Variants in TBL1Y observed in about 807,000 individuals in gnomAD.
TBL1Y encodes the protein transducin beta like 1 Y-linked.
Under a neutral mutation model 12.0 loss-of-function variants are expected in TBL1Y, and 15 were observed. The observed-to-expected ratio is 1.25, with a 90% CI of 0.83 to 1.92. The LOEUF (loss-of-function observed/expected upper bound fraction) is 1.92, where lower values mean the gene tolerates loss of function less well. TBL1Y is among the 40% of genes most tolerant of loss of function. TBL1Y has a pLI of 0.00. For synonymous variants in TBL1Y, 53 were observed against 42.6 expected (o/e 1.24, Z -0.95); for missense variants, 148 against 116.7 (o/e 1.27, Z -1.24).
At chrY:6,991,993 C>T (rs2012368698) in intron 3 of TBL1Y, among the ~76,000 whole-genome samples, 1 of 34,046 alleles carries the variant, frequency 2.9e-5, no homozygotes, top group Non-Finnish European at 7.3e-5. Flanking sequence ...AGAGCCTGTA[C>T]TTCTGCCTGG....
At chrY:7,016,187 G>A (rs915114710) in intron 4 of TBL1Y, among the ~76,000 whole-genome samples, 2 of 32,304 alleles carry the variant, frequency 6.2e-5, no homozygotes, top group Non-Finnish European at 1.5e-4. Flanking sequence ...TAGGCGGGGG[G>A]CCTCAGTGTT....
At chrY:7,050,192 A>G in intron 7 of TBL1Y, among the ~76,000 whole-genome samples, 1 of 32,760 alleles carries the variant, frequency 3.1e-5, no homozygotes, top group South Asian at 7.1e-4. Context: ...ATACAATGCC[A>G]TGAATCCAGA....
intron 7 of TBL1Y, among the ~76,000 whole-genome samples, chrY:7,044,589 T>G: frequency 3.0e-5 from 1 of 33,787 alleles, no homozygotes; most frequent in African/African-American, 1.2e-4. Context: ...TAAAAACCTC[T>G]TTTAGAAAAA....
At chrY:7,065,180 G>C in intron 8 of TBL1Y, among the ~76,000 whole-genome samples, 1 of 33,267 alleles carries the variant, frequency 3.0e-5, no homozygotes, top group Non-Finnish European at 7.4e-5. Flanking sequence ...CAAATCTCTA[G>C]TTCCCTTGTG....
chrY:7,041,236 A>T (rs766703309), intron 6 of TBL1Y, among the ~76,000 whole-genome samples: 1 of 33,754 alleles, frequency 3.0e-5, no homozygotes, highest in South Asian at 6.8e-4. Flanking sequence ...GGGCAGTGAT[A>T]GAATGGTGCA....
At chrY:6,921,200 C>G (rs1019483187) in intron 2 of TBL1Y, among the ~76,000 whole-genome samples, 18 of 32,823 alleles carry the variant, frequency 5.5e-4, no homozygotes, top group African/African-American at 2.2e-3. Context: ...AGCTGCTTGA[C>G]TGTGGTCATG....
intron 2 of TBL1Y, among the ~76,000 whole-genome samples, chrY:6,934,175 G>A (rs749536486): frequency 1.2e-4 from 4 of 33,051 alleles, no homozygotes; most frequent in South Asian, 6.9e-4. Flanking sequence ...AACCATGACC[G>A]TCCCTTGGCT....
At chrY:7,003,309 C>G (rs2124141587) in intron 4 of TBL1Y, among the ~76,000 whole-genome samples, 1 of 33,852 alleles carries the variant, frequency 3.0e-5, no homozygotes, top group South Asian at 6.7e-4. Context: ...CACCAAATAT[C>G]ATTGGACATA....
Position 7,086,418 on chromosome Y carries a change from G to T in TBL1Y, c.1280+1G>T. 1 of 381,629 alleles carries T rather than the reference G, an allele frequency of 2.6e-6. No homozygotes were observed. The highest frequency in any genetic ancestry group is 3.7e-6 in the Non-Finnish European group (1 of 272,472). On this transcript the variant is annotated splice_donor_variant, in intron 16 of 18. Coordinates refer to ENST00000383032, the MANE Select transcript of TBL1Y (RefSeq NM_033284.2). LOFTEE classifies it high-confidence loss of function. ...CAAACTCCAGCATCATGTTGGCAAG[G>T]TAAGGGCCGGCAGCACAACTGGTAC...
chrY:7,012,932 C>T, intron 4 of TBL1Y, among the ~76,000 whole-genome samples: 2 of 34,421 alleles, frequency 5.8e-5, no homozygotes, highest in African/African-American at 1.1e-4. Context: ...AGAGTTGAAG[C>T]TTGGTAGCCT....
chrY:6,924,272 T>C (rs554490760), intron 2 of TBL1Y, among the ~76,000 whole-genome samples: 1 of 33,095 alleles, frequency 3.0e-5, no homozygotes, highest in East Asian at 8.0e-4. Context: ...TGTTCATATA[T>C]CTTGTCATCC....
chrY:7,081,698 C>T, intron 14 of TBL1Y, among the ~76,000 whole-genome samples: 3 of 32,622 alleles, frequency 9.2e-5, no homozygotes, highest in Non-Finnish European at 1.5e-4. Flanking sequence ...AGGTGTCTCA[C>T]GTGGCCAAAG....
intron 16 of TBL1Y, among the ~76,000 whole-genome samples, 198 bp from the exon 17 acceptor site, chrY:7,087,069 G>C (rs2013143702): frequency 7.2e-5 from 1 of 13,827 alleles, no homozygotes; most frequent in South Asian, 1.2e-3. Flanking sequence ...TTTTATATAT[G>C]ATATATATCT....
At chrY:7,078,211 G>A in intron 13 of TBL1Y, among the ~76,000 whole-genome samples, 1 of 33,931 alleles carries the variant, frequency 2.9e-5, no homozygotes, top group Non-Finnish European at 7.3e-5. Flanking sequence ...ATGGGCTTCT[G>A]TATTGGTCAG....
intron 12 of TBL1Y, among the ~76,000 whole-genome samples, chrY:7,074,060 A>AT (rs2013048028): frequency 3.0e-5 from 1 of 33,383 alleles, no homozygotes; most frequent in Non-Finnish European, 7.4e-5. Flanking sequence ...TTTAGAGATG[A>AT]TTTGTTCTAG....
At chrY:7,019,126 G>A in intron 4 of TBL1Y, among the ~76,000 whole-genome samples, 2 of 33,407 alleles carry the variant, frequency 6.0e-5, no homozygotes, top group South Asian at 6.9e-4. Context: ...AAGAGCATAC[G>A]GCATTTGTTA....
chrY:6,948,829 A>C (rs766924445), intron 2 of TBL1Y, among the ~76,000 whole-genome samples: 266 of 31,990 alleles, frequency 8.3e-3, no homozygotes, highest in African/African-American at 0.032. Flanking sequence ...AAGGAACTCA[A>C]AATAGAAATG....
chrY:6,927,960 A>C, intron 2 of TBL1Y, among the ~76,000 whole-genome samples: 1 of 33,087 alleles, frequency 3.0e-5, no homozygotes, highest in Non-Finnish European at 7.3e-5. Context: ...AGAGTGAATA[A>C]ATGTAGAAAT....
intron 14 of TBL1Y, among the ~76,000 whole-genome samples, chrY:7,083,689 C>G: frequency 3.1e-5 from 1 of 32,520 alleles, no homozygotes; most frequent in Admixed American, 2.8e-4. Flanking sequence ...TGTCAGCCTC[C>G]TCTCCAACCG....
Sources: gnomAD v4.1 joint callset for allele counts (sites outside exome capture counted in the v4.1 genomes callset) on GRCh38, gnomAD v4.1.1 for gene constraint, MANE v1.5 for transcripts, NCBI Gene and HGNC (gene_info 2026-07-23, HGNC 2026-07-21) for gene names.